The following SUMF1 variants were observed in gnomAD, a reference collection of about 807,000 sequenced individuals.
SUMF1 encodes sulfatase modifying factor 1.
Under a neutral mutation model 47.6 loss-of-function variants are expected in SUMF1, and 48 were observed. That is an observed-to-expected ratio of 1.01 (90% CI 0.80 to 1.28). The LOEUF (loss-of-function observed/expected upper bound fraction) is 1.28. SUMF1 is among the 50% of genes most tolerant of loss of function. The pLI, the probability that SUMF1 is intolerant of heterozygous loss-of-function variation, is 0.00. For synonymous variants in SUMF1, 230 were observed against 192.1 expected, an observed-to-expected ratio of 1.20 and a Z score of -1.63; for missense variants, 571 against 485.4, an observed-to-expected ratio of 1.18 and a Z score of -1.66.
At chr3:4,408,976 A>G (rs1375733966) in intron 7 of SUMF1, among the ~76,000 whole-genome samples, 1 of 152,164 alleles carries the variant, frequency 6.6e-6, no homozygotes, top group Non-Finnish European at 1.5e-5. Flanking sequence ...TAAAAATTAA[A>G]AAAAAAGATA....
intron 8 of SUMF1, among the ~76,000 whole-genome samples, chr3:4,272,435 G>A (rs891412264): frequency 4.6e-5 from 7 of 152,152 alleles, no homozygotes; most frequent in Non-Finnish European, 8.8e-5. Flanking sequence ...ACCAGCCGTT[G>A]GATACAGGCT....
chr3:4,279,005 A>G (rs73117636), intron 8 of SUMF1, among the ~76,000 whole-genome samples: 7,495 of 152,172 alleles, frequency 0.049, 571 homozygotes, highest in African/African-American at 0.17. Flanking sequence ...TTTTATTTTT[A>G]TGATAATTTG....
intron 9 of SUMF1, among the ~76,000 whole-genome samples, chr3:4,041,741 G>GT (rs1694910897): frequency 6.6e-6 from 1 of 152,156 alleles, no homozygotes. Context: ...TACACATGAG[G>GT]TAACTCCAAT....
chr3:4,296,787 G>T (rs141163883), intron 8 of SUMF1, among the ~76,000 whole-genome samples: 2,218 of 151,148 alleles, frequency 0.015, 20 homozygotes, highest in Middle Eastern at 0.024. Flanking sequence ...GATAATAATG[G>T]TAATAATAAT....
In SUMF1 at chr3:4,151,124, T is replaced by A. The variant is rs151145463; in HGVS notation, c.1015-82379A>T. On this transcript the variant is annotated intron_variant and NMD_transcript_variant, in intron 8 of 12. Transcript: ENST00000448413. The stretch of plus-strand genomic sequence containing the variant: ...AACAGTGTAGCACAGTCTGTCAGTC[T>A]AGGGGTTTCATGCAACAGAGAACAA... Among the ~76,000 whole-genome samples, 8 of 151,270 alleles carry A rather than the reference T, an allele frequency of 5.3e-5. No homozygotes were observed. In the East Asian group the frequency reaches 1.3e-3, roughly 26 times the overall value.
intron 8 of SUMF1, among the ~76,000 whole-genome samples, chr3:4,348,399 A>G (rs1232328485): frequency 6.6e-6 from 1 of 152,170 alleles, no homozygotes; most frequent in Non-Finnish European, 1.5e-5. Context: ...CTGATCTTTC[A>G]CAAATCTGAC....
At chr3:4,219,891 G>C (rs892330512) in intron 8 of SUMF1, among the ~76,000 whole-genome samples, 1 of 152,082 alleles carries the variant, frequency 6.6e-6, no homozygotes, top group African/African-American at 2.4e-5. Context: ...GAAAATCCTG[G>C]GATGTTTTAA....
chr3:4,320,724 C>A (rs1300675187), intron 8 of SUMF1, among the ~76,000 whole-genome samples: 1 of 152,150 alleles, frequency 6.6e-6, no homozygotes, highest in Non-Finnish European at 1.5e-5. Context: ...CTTTTAATCT[C>A]CTCTGGTGAT....
intron 8 of SUMF1, among the ~76,000 whole-genome samples, chr3:4,334,085 G>A (rs1463705182): frequency 3.3e-5 from 5 of 151,636 alleles, no homozygotes; most frequent in African/African-American, 9.7e-5. Context: ...CCCTGGTTGT[G>A]CCACTGCACT....
chr3:4,161,719 G>A (rs1190443756), intron 8 of SUMF1, among the ~76,000 whole-genome samples: 1 of 152,018 alleles, frequency 6.6e-6, no homozygotes, highest in East Asian at 1.9e-4. Context: ...CTGATCTAGG[G>A]CAGGTCCAGA....
intron 9 of SUMF1, among the ~76,000 whole-genome samples, chr3:4,066,220 G>T (rs1001404192): frequency 1.3e-5 from 2 of 150,918 alleles, no homozygotes; most frequent in African/African-American, 4.9e-5. Context: ...TTGCAAAAAT[G>T]CCAAAACAGG....
chr3:4,225,727 G>T (rs539364275), intron 8 of SUMF1, among the ~76,000 whole-genome samples: 2 of 152,210 alleles, frequency 1.3e-5, no homozygotes, highest in South Asian at 4.1e-4. Flanking sequence ...GTCTCTGTAG[G>T]TTCTTTACAA....
At chr3:4,273,743 G>A (rs1049781008) in intron 8 of SUMF1, among the ~76,000 whole-genome samples, 3 of 71,488 alleles carry the variant, frequency 4.2e-5, no homozygotes, top group African/African-American at 1.5e-4. Context: ...GGGAGGATAC[G>A]GGAGGGAGGA....
intron 8 of SUMF1, among the ~76,000 whole-genome samples, chr3:4,069,944 A>C (rs920822477): frequency 1.3e-5 from 2 of 152,170 alleles, no homozygotes; most frequent in Non-Finnish European, 2.9e-5. Flanking sequence ...TAATCAACTA[A>C]GAGCCAGATA....
intron 8 of SUMF1, among the ~76,000 whole-genome samples, chr3:4,264,976 A>C (rs1402835734): frequency 1.3e-5 from 2 of 152,038 alleles, no homozygotes; most frequent in African/African-American, 4.8e-5. Context: ...TCTACTAAAA[A>C]TACAAAATTA....
At chr3:4,241,100 T>C (rs1181690671) in intron 8 of SUMF1, among the ~76,000 whole-genome samples, 1 of 152,054 alleles carries the variant, frequency 6.6e-6, no homozygotes, top group African/African-American at 2.4e-5. Context: ...ATTTAGATAA[T>C]TAGAGAGAAG....
intron 8 of SUMF1, among the ~76,000 whole-genome samples, chr3:4,077,856 A>C (rs900376705): frequency 1.8e-4 from 27 of 152,170 alleles, no homozygotes; most frequent in African/African-American, 6.3e-4. Context: ...AATTCATGCT[A>C]ATAATTTAAA....
At chr3:4,248,502 A>G (rs1170220314) in intron 8 of SUMF1, among the ~76,000 whole-genome samples, 1 of 152,220 alleles carries the variant, frequency 6.6e-6, no homozygotes, top group Non-Finnish European at 1.5e-5. Flanking sequence ...AACCATTCCT[A>G]GTCTGGATTA....
chr3:4,160,726 T>C (rs1279442722), intron 8 of SUMF1, among the ~76,000 whole-genome samples: 1 of 152,144 alleles, frequency 6.6e-6, no homozygotes, highest in Non-Finnish European at 1.5e-5. Context: ...ATTCCTTCTC[T>C]GTGTTATCTC....
Sources: allele counts gnomAD v4.1 joint callset (sites outside exome capture counted in the v4.1 genomes callset), GRCh38; gene constraint gnomAD v4.1.1; transcripts MANE v1.5; gene names NCBI Gene and HGNC (gene_info 2026-07-23, HGNC 2026-07-21).